Variants in CENPT observed in about 807,000 individuals in gnomAD.
CENPT encodes the protein centromere protein T.
CENPT carries 42 observed loss-of-function variants against 59.7 expected under a neutral mutation model. That is an observed-to-expected ratio of 0.70 (90% CI 0.55 to 0.91). The LOEUF (loss-of-function observed/expected upper bound fraction) is 0.91. Ranked by LOEUF, CENPT falls within the 40% of genes least tolerant of loss-of-function variation. The pLI is 0.00. For synonymous variants in CENPT, 295 were observed against 289.6 expected, an observed-to-expected ratio of 1.02 and a Z score of -0.19; for missense variants, 716 against 713.4, an observed-to-expected ratio of 1.00 and a Z score of -0.04.
chr16:67,846,681 T>C (rs1420495492), intron 1 of CENPT: 2 of 152,414 alleles, frequency 1.3e-5, no homozygotes, highest in Non-Finnish European at 2.9e-5. Flanking sequence ...GACCCTAGCC[T>C]GGCGCCAACC....
Position 67,831,885 on chromosome 16 carries a change from T to C in CENPT, c.392A>G (p.Glu131Gly), listed in dbSNP as rs764975014. The change falls in exon 8 of 16, where the codon GAG becomes GGG. Residue 131 changes from glutamate to glycine, a missense_variant. By Grantham distance (98) the Glu-to-Gly change is moderately conservative. Coordinates refer to ENST00000562787, the MANE Select transcript of CENPT (RefSeq NM_025082.4). ...SRQESSCGSL[E>G]LQLPELEPPT... Reference sequence around the variant, plus strand: ...GGGCTCGAGCTCAGGAAGTTGCAGCTCCAGGCTATAAGAATGGAGCTTATC... The same window carrying C: ...GGGCTCGAGCTCAGGAAGTTGCAGCCCCAGGCTATAAGAATGGAGCTTATC... 6.2e-7 allele frequency: 1 copy of C among 1,611,360 alleles called. No individual in the cohort carries two copies. Among genetic ancestry groups the C allele is most frequent in the Non-Finnish European group, 8.5e-7 (1 of 1,179,246 alleles).
chr16:67,833,407 A>AACCCCTATCCTCC (rs1307384455), intron 4 of CENPT, among the ~76,000 whole-genome samples: 1 of 152,214 alleles, frequency 6.6e-6, no homozygotes, highest in Non-Finnish European at 1.5e-5. Context: ...TGAGATTCTG[A>AACCCCTATCCTCC]ACCCCTATCC....
chr16:67,837,786 T>C (rs1013293559), intron 1 of CENPT, among the ~76,000 whole-genome samples: 6 of 152,164 alleles, frequency 3.9e-5, no homozygotes, highest in Non-Finnish European at 7.3e-5. Context: ...TTAAACGTTA[T>C]AATTACTTGT....
chr16:67,839,737 G>A (rs2057750983), intron 1 of CENPT, among the ~76,000 whole-genome samples: 1 of 151,820 alleles, frequency 6.6e-6, no homozygotes, highest in Non-Finnish European at 1.5e-5. Context: ...AGCTGGTTGT[G>A]GTGCCTGGCG....
chr16:67,845,133 GC>G (rs1227289275), intron 1 of CENPT, among the ~76,000 whole-genome samples: 3 of 152,130 alleles, frequency 2.0e-5, no homozygotes, highest in Non-Finnish European at 4.4e-5. Context: ...GGATTACATT[GC>G]TTTTGTCTAT....
rs561501027 is a variant in CENPT at position 67,835,285 on chromosome 16, T to A, written c.-355A>T. On this transcript the variant is annotated 5_prime_UTR_variant, in exon 3 of 16. In the 5' UTR this introduces an upstream ATG that the reference lacks. Coordinates refer to ENST00000562787, the MANE Select transcript of CENPT (RefSeq NM_025082.4). Reference sequence around the variant, plus strand: ...TTTCTGAGTCTTCCGTGGAGTTCACTTTCCCAGAATCTGCACTGAGATCAA... The same window carrying A: ...TTTCTGAGTCTTCCGTGGAGTTCACATTCCCAGAATCTGCACTGAGATCAA... 1 of 152,336 alleles carries A rather than the reference T, an allele frequency of 6.6e-6. No individual in the cohort carries two copies. Among genetic ancestry groups the A allele is most frequent in the South Asian group, 2.1e-4 (1 of 4,828 alleles). The allele number at this position is 152,336 out of a possible 1,614,324, so 9.4% of individuals were successfully genotyped here. A position where few individuals can be genotyped will look rare whatever the true frequency, so the allele number is the denominator to read the frequency against.
chr16:67,842,560 T>A lies in CENPT; in HGVS notation c.-492+4841A>T. On this transcript the variant is annotated intron_variant, in intron 1 of 15. Transcript: ENST00000562787. The surrounding 1 kb of genome is among the most constrained non-coding windows in gnomAD (Gnocchi z 4.9). ...CCGGGCCGCGCGGCGCAGCCATGCC[T>A]GGCTTTACGTGCTGCGTGCCAGGCT... 5.2e-6 allele frequency: 8 copies of A among 1,527,698 alleles called. No homozygotes were observed. The highest frequency in any genetic ancestry group is 7.1e-6 in the Non-Finnish European group (8 of 1,132,944). The allele number at this position is 1,527,698 out of a possible 1,614,324, so 94.6% of individuals were successfully genotyped here.
At chr16:67,841,294 A>G (rs2057759793) in intron 1 of CENPT, among the ~76,000 whole-genome samples, 2 of 150,922 alleles carry the variant, frequency 1.3e-5, no homozygotes, top group African/African-American at 4.9e-5. Context: ...AAAATCCTTT[A>G]ATAGCTCTCA....
At position 67,829,487 on chromosome 16, in the gene CENPT, C is replaced by T. The variant is rs1555579318; in HGVS notation, c.1216G>A (p.Glu406Lys). The change falls in exon 13 of 16, where the codon GAG (glutamate) becomes AAG (lysine). Residue 406 changes from glutamate (E) to lysine (K), a missense_variant. By Grantham distance (56) the Glu-to-Lys change is moderately conservative. Transcript: ENST00000562787. The stretch of plus-strand genomic sequence containing the variant: ...TGATGTCGCCTGGCCTGGAGAGACT[C>T]AGGGGTGCTGGAGGCCGACTCTGGA... Reference protein sequence around the residue: ...ASPESASSTPESLQARRHHQF... With the variant: ...ASPESASSTPKSLQARRHHQF... 1.3e-6 allele frequency: 2 copies of T among 1,593,258 alleles called. No homozygotes were observed. The highest frequency in any genetic ancestry group is 3.9e-5 in the Admixed American group (2 of 51,836).
chr16:67,845,938 G>T (rs2057794953), intron 1 of CENPT, among the ~76,000 whole-genome samples: 1 of 152,242 alleles, frequency 6.6e-6, no homozygotes, highest in Non-Finnish European at 1.5e-5. Flanking sequence ...TGGAAGAACA[G>T]GAGTACTGAG....
At chr16:67,828,948 T>C (rs2151282879) in intron 13 of CENPT, 105 bp from the exon 14 acceptor site, 1 of 1,283,308 alleles carries the variant, frequency 7.8e-7, no homozygotes, top group Non-Finnish European at 1.1e-6. Flanking sequence ...ACGTGGCCCT[T>C]GGCCAGCCAG....
intron 3 of CENPT, chr16:67,834,307 C>T (rs2057721405): frequency 6.4e-6 from 1 of 155,230 alleles, no homozygotes; most frequent in Non-Finnish European, 1.4e-5. Context: ...TACATATGAC[C>T]TGGTTAGATT....
chr16:67,829,169 TA>T, intron 13 of CENPT: 1 of 516,196 alleles, frequency 1.9e-6, no homozygotes, highest in Non-Finnish European at 3.4e-6. Flanking sequence ...CCGATTCTGC[TA>T]ATCGTCTTCC....
rs2057675614 is a variant in CENPT at position 67,830,476 on chromosome 16, G to C, written c.776C>G (p.Pro259Arg). ...TTCAGCCCCAGTGTGAGGCGTGCAG[G>C]GCAGGGAGTGATACACGTTGGGGGA... The part of the protein sequence containing the change: ...VGSPNVYHSL[P>R]CTPHTGAEDA... The change falls in exon 11 of 16, where the codon CCC becomes CGC. Residue 259 changes from proline (P) to arginine (R), a missense_variant. Physicochemically the swap from Pro to Arg is moderately radical, Grantham distance 103. Transcript: ENST00000562787. The C allele has an allele frequency of 6.2e-7, 1 of 1,614,056 alleles. No individual in the cohort carries two copies. The highest frequency in any genetic ancestry group is 1.7e-5 in the Admixed American group (1 of 59,974).
chr16:67,837,609 G>A (rs1282371236), intron 1 of CENPT, among the ~76,000 whole-genome samples: 1 of 152,118 alleles, frequency 6.6e-6, no homozygotes, highest in Non-Finnish European at 1.5e-5. Context: ...TCGGGAGGCT[G>A]AGTCAGGAGA....
chr16:67,847,668 T>C lies in CENPT; in HGVS notation c.-759A>G, dbSNP rs537980736. 1.1e-4 allele frequency: 17 copies of C among 152,434 alleles called. No individual in the cohort carries two copies. Among genetic ancestry groups the C allele is most frequent in the African/African-American group, 4.1e-4 (17 of 41,596 alleles). The allele number at this position is 152,434 out of a possible 1,614,324, so 9.4% of individuals were successfully genotyped here. On this transcript the variant is annotated 5_prime_UTR_variant, in exon 1 of 16. It adds an upstream start codon to the 5' untranslated region. Transcript: ENST00000562787. ...CGGGAGGGGATTCCACGGGAGACTT[T>C]ATCCCTGTCTTGTCTTAGAGGATCT...
At position 67,832,564 on chromosome 16, in the gene CENPT, T is replaced by C. The variant is rs370625298; in HGVS notation, c.111-19A>G. The C allele has an allele frequency of 6.8e-4, 1,096 of 1,604,868 alleles. 20 individuals are homozygous for C. The South Asian group carries it at 9.1e-3, about 13-fold the overall frequency. On this transcript the variant is annotated intron_variant, in intron 4 of 15. Coordinates refer to ENST00000562787, the MANE Select transcript of CENPT (RefSeq NM_025082.4). The stretch of plus-strand genomic sequence containing the variant: ...CCGGGCTCTGTGTAAAGACCAGCAA[T>C]TATGCCGAGAATTACGGTGAGGAGG...
Position 67,830,002 on chromosome 16 carries a change from C to T in CENPT, c.949G>A (p.Val317Ile). ...ALGFLSTSSG[V>I]SGEDEVEPLH... Reference sequence around the variant, plus strand: ...GGCTCTACTTCATCTTCTCCAGAGACACCACTGCTGGTGCTCAGGAAGCCC... The same window carrying T: ...GGCTCTACTTCATCTTCTCCAGAGATACCACTGCTGGTGCTCAGGAAGCCC... Residue 317 changes from valine to isoleucine, a missense_variant, in exon 12 of 16, where the codon GTC (valine) becomes ATC (isoleucine). Physicochemically the swap from Val to Ile is conservative, Grantham distance 29. Coordinates refer to ENST00000562787, the MANE Select transcript of CENPT (RefSeq NM_025082.4). The T allele has an allele frequency of 6.2e-7, 1 of 1,614,252 alleles. No individual in the cohort carries two copies.
rs769030150 is a variant in CENPT, at chr16:67,842,917, GCAA to G, written c.-492+4481_-492+4483del. 510 of 1,511,346 alleles carry G rather than the reference GCAA, an allele frequency of 3.4e-4. 1 individual carries two copies. The Middle Eastern group carries it at 7.0e-3, about 21-fold the overall frequency. The allele number at this position is 1,511,346 out of a possible 1,614,324, so 93.6% of individuals were successfully genotyped here. A position where few individuals can be genotyped will look rare whatever the true frequency, so the allele number is the denominator to read the frequency against. On this transcript the variant is annotated intron_variant, in intron 1 of 15. Transcript: ENST00000562787. This position sits in a 1 kb window ranked among gnomAD's most constrained non-coding sequence, Gnocchi z 4.9. ...AACAGCAGCAACAGCAGCAGCAGCA[GCAA>G]CAGCAGCAGCAGCAGCAGCAGCAGC... is the stretch of plus-strand genomic sequence containing the variant.
Sources: gnomAD v4.1 joint callset for allele counts (sites outside exome capture counted in the v4.1 genomes callset) on GRCh38, gnomAD v4.1.1 for gene constraint, Gnocchi (gnomAD v3.1) non-coding constraint, MANE v1.5 for transcripts, NCBI Gene and HGNC (gene_info 2026-07-23, HGNC 2026-07-21) for gene names.